CES5A: variants seen among roughly 807,000 people sequenced by gnomAD.
The protein encoded by CES5A is carboxylesterase 5.
In CES5A, 67 loss-of-function variants were observed where a neutral mutation model predicts 62.9. The observed-to-expected ratio is 1.07, with a 90% CI of 0.88 to 1.31. The LOEUF is 1.31. CES5A is among the 50% of genes most tolerant of loss of function. CES5A has a pLI of 0.00. For missense variants in CES5A, 748 were observed against 708.5 expected (o/e 1.06, Z -0.63); for synonymous variants, 296 against 280.8 (o/e 1.05, Z -0.54).
chr16:55,939,591 TA>T (rs1439255161), intron 2 of CES5A, among the ~76,000 whole-genome samples: 1 of 152,140 alleles, frequency 6.6e-6, no homozygotes, highest in African/African-American at 2.4e-5. Flanking sequence ...AGACACTGTA[TA>T]GTTCTGGGTC....
At position 55,875,075 on chromosome 16, in the gene CES5A, C is replaced by T. The variant is rs2033669431; in HGVS notation, c.73+74G>A. 46 of 1,439,444 alleles carry T rather than the reference C, an allele frequency of 3.2e-5. 2 individuals carry two copies. In the South Asian group the frequency reaches 5.0e-4, roughly 16 times the overall value. The allele number at this position is 1,439,444 out of a possible 1,614,324, so 89.2% of individuals were successfully genotyped here. A position where few individuals can be genotyped will look rare whatever the true frequency, so the allele number is the denominator to read the frequency against. Reference sequence around the variant, plus strand: ...GCCCTCAGAGACCTCTGAAGAATAACTTCATTTCTACCAGTGGAAAATCCT... The same window carrying T: ...GCCCTCAGAGACCTCTGAAGAATAATTTCATTTCTACCAGTGGAAAATCCT... On this transcript the variant is annotated intron_variant, in intron 1 of 12. Coordinates refer to ENST00000290567, the MANE Select transcript of CES5A (RefSeq NM_001143685.2).
At chr16:55,892,434 G>C (rs778806144) in intron 1 of CES5A, among the ~76,000 whole-genome samples, 5 of 152,024 alleles carry the variant, frequency 3.3e-5, no homozygotes, top group African/African-American at 7.3e-5. Context: ...ACAGGCCATG[G>C]TCACTCATTT....
chr16:55,940,381 A>T (rs1159510268), intron 2 of CES5A, among the ~76,000 whole-genome samples: 1 of 152,090 alleles, frequency 6.6e-6, no homozygotes, highest in African/African-American at 2.4e-5. Flanking sequence ...GCCATTAAAA[A>T]TAATAAGGTA....
At chr16:55,953,132 T>A (rs1315512495) in intron 1 of CES5A, among the ~76,000 whole-genome samples, 1 of 152,214 alleles carries the variant, frequency 6.6e-6, no homozygotes, top group Non-Finnish European at 1.5e-5. Context: ...TACTGTCAAC[T>A]GATGCTAAAA....
chr16:55,855,615 ACC>A (rs1247315644), intron 9 of CES5A, among the ~76,000 whole-genome samples: 1 of 152,172 alleles, frequency 6.6e-6, no homozygotes, highest in Non-Finnish European at 1.5e-5. Context: ...TGGGGGAAAC[ACC>A]CCAACACCCA....
At chr16:55,935,211 G>T (rs1597156597) in intron 2 of CES5A, among the ~76,000 whole-genome samples, 2 of 152,168 alleles carry the variant, frequency 1.3e-5, no homozygotes, top group East Asian at 3.9e-4. Flanking sequence ...CCAATGTGCT[G>T]GGATTACAGG....
At chr16:55,860,459 AG>A (rs2033330849) in intron 7 of CES5A, among the ~76,000 whole-genome samples, 1 of 149,598 alleles carries the variant, frequency 6.7e-6, no homozygotes, top group South Asian at 2.1e-4. Flanking sequence ...TGGGGTGTAT[AG>A]CCCAGGAACC....
At chr16:55,893,217 A>C (rs2033899056) in intron 1 of CES5A, among the ~76,000 whole-genome samples, 2 of 152,188 alleles carry the variant, frequency 1.3e-5, no homozygotes, top group African/African-American at 4.8e-5. Flanking sequence ...ATTTGAAACC[A>C]GAGGTCAATC....
chr16:55,904,106 C>T (rs1333855203), intron 1 of CES5A, among the ~76,000 whole-genome samples: 1 of 152,150 alleles, frequency 6.6e-6, no homozygotes, highest in African/African-American at 2.4e-5. Flanking sequence ...CACTTGGATG[C>T]TCCAGAGAAA....
At chr16:55,853,486 G>C (rs115852967) in intron 9 of CES5A, among the ~76,000 whole-genome samples, 2,703 of 152,264 alleles carry the variant, frequency 0.018, 73 homozygotes, top group East Asian at 0.07. Flanking sequence ...GTGACTACAC[G>C]GGCAGAACAT....
At chr16:55,949,209 C>T (rs1364128373) in intron 2 of CES5A, among the ~76,000 whole-genome samples, 4 of 149,252 alleles carry the variant, frequency 2.7e-5, no homozygotes, top group Non-Finnish European at 4.5e-5. Flanking sequence ...CTTGGGGTCA[C>T]TGCCAGCGTA....
At chr16:55,936,895 C>T (rs1278201237) in intron 2 of CES5A, among the ~76,000 whole-genome samples, 1 of 152,044 alleles carries the variant, frequency 6.6e-6, no homozygotes, top group Non-Finnish European at 1.5e-5. Flanking sequence ...ATCCATACAC[C>T]TTAAACAATT....
intron 10 of CES5A, among the ~76,000 whole-genome samples, chr16:55,851,518 C>T (rs1380137650): frequency 2.0e-5 from 3 of 152,138 alleles, no homozygotes; most frequent in African/African-American, 7.2e-5. Context: ...GTCAAGATGT[C>T]GAGAAATTGC....
At chr16:55,900,095 C>T (rs1390091847) in intron 1 of CES5A, among the ~76,000 whole-genome samples, 3 of 152,088 alleles carry the variant, frequency 2.0e-5, no homozygotes, top group Admixed American at 6.5e-5. Context: ...TGCAGACCCC[C>T]CTTCATCCCT....
chr16:55,891,091 A>G (rs573224089), intron 1 of CES5A, among the ~76,000 whole-genome samples: 3 of 151,896 alleles, frequency 2.0e-5, no homozygotes, highest in East Asian at 1.9e-4. Context: ...ACTCATTCCA[A>G]TTTCCTGCTA....
intron 2 of CES5A, among the ~76,000 whole-genome samples, chr16:55,936,939 A>G (rs1202069960): frequency 6.6e-6 from 1 of 152,194 alleles, no homozygotes; most frequent in East Asian, 1.9e-4. Flanking sequence ...AGGGAGCATT[A>G]TAATTATACT....
chr16:55,920,483 G>A (rs1407686521), intron 1 of CES5A, among the ~76,000 whole-genome samples: 4 of 152,182 alleles, frequency 2.6e-5, no homozygotes, highest in Non-Finnish European at 4.4e-5. Context: ...CTAGCCAGCT[G>A]TCTCACACTG....
At chr16:55,897,327 C>A (rs1243018815) in intron 1 of CES5A, among the ~76,000 whole-genome samples, 2 of 152,080 alleles carry the variant, frequency 1.3e-5, no homozygotes, top group Non-Finnish European at 2.9e-5. Flanking sequence ...ATTCATTAGT[C>A]TCACCAAAAT....
chr16:55,936,327 G>A (rs1446483492), intron 2 of CES5A, among the ~76,000 whole-genome samples: 1 of 152,110 alleles, frequency 6.6e-6, no homozygotes, highest in Non-Finnish European at 1.5e-5. Context: ...GCAATCCCAC[G>A]TCTTCTCCTC....
Sources: gnomAD v4.1 joint callset for allele counts (sites outside exome capture counted in the v4.1 genomes callset) on GRCh38, gnomAD v4.1.1 for gene constraint, MANE v1.5 for transcripts, NCBI Gene and HGNC (gene_info 2026-07-23, HGNC 2026-07-21) for gene names.